PCDHGA3: variants seen among roughly 807,000 people sequenced by gnomAD.
The protein encoded by PCDHGA3 is protocadherin gamma-A3.
Under a neutral mutation model 58.5 loss-of-function variants are expected in PCDHGA3, and 40 were observed. That is an observed-to-expected ratio of 0.68 (90% CI 0.53 to 0.89). PCDHGA3 has a LOEUF of 0.89. PCDHGA3 is among the 40% of genes least tolerant of loss of function. The pLI, the probability that PCDHGA3 is intolerant of heterozygous loss-of-function variation, is 0.00. For missense variants in PCDHGA3, 1,223 were observed against 1,195.9 expected, an observed-to-expected ratio of 1.02 and a Z score of -0.33; for synonymous variants, 530 against 525.7, an observed-to-expected ratio of 1.01 and a Z score of -0.11.
chr5:141,370,188 T>C, intron 1 of PCDHGA3: 1 of 511,926 alleles, frequency 2.0e-6, no homozygotes, highest in South Asian at 4.0e-5. Context: ...CGCTCTTGGC[T>C]AGTGCTGTGC....
In PCDHGA3 at chr5:141,343,968, A is replaced by G. The variant is rs1425572698; in HGVS notation, c.-66A>G. The G allele has an allele frequency of 1.5e-6, 2 of 1,375,848 alleles. No individual in the cohort carries two copies. Among genetic ancestry groups the G allele is most frequent in the Middle Eastern group, 4.2e-4 (2 of 4,792 alleles). The allele number at this position is 1,375,848 out of a possible 1,614,324, so 85.2% of individuals were successfully genotyped here. ...GTAAAAGACTTCGTTTCTTGAGAAA[A>G]TAAGATTGGAGTCCGTCGTAGGAAA... On this transcript the variant is annotated 5_prime_UTR_variant, in exon 1 of 4. Transcript: ENST00000253812.
rs754711722 is a variant in PCDHGA3, at chr5:141,371,108, C to A, written c.2424+24651C>A. Reference sequence around the variant, plus strand: ...TAATTGTCGCAGATGCAAATGATAACCCCCCAGTATTTACTCAGGACATGT... The same window carrying A: ...TAATTGTCGCAGATGCAAATGATAAACCCCCAGTATTTACTCAGGACATGT... On this transcript the variant is annotated intron_variant, in intron 1 of 3. Coordinates refer to ENST00000253812, the MANE Select transcript of PCDHGA3 (RefSeq NM_018916.4). 12 of 1,613,642 alleles carry A rather than the reference C, an allele frequency of 7.4e-6. No individual in the cohort carries two copies. In the African/African-American group the frequency reaches 1.5e-4, roughly 20 times the overall value.
chr5:141,422,633 G>T lies in PCDHGA3; in HGVS notation c.2425-72174G>T, dbSNP rs769515606. 10 of 1,613,120 alleles carry T rather than the reference G, an allele frequency of 6.2e-6. No individual in the cohort carries two copies. In the East Asian group the frequency reaches 2.0e-4, roughly 32 times the overall value. ...TACATTCCCGAAAACAACCCCAGGG[G>T]TGCCTCCATCTTCTCAGTGACCGCC... On this transcript the variant is annotated intron_variant, in intron 1 of 3. Coordinates refer to ENST00000253812, the MANE Select transcript of PCDHGA3 (RefSeq NM_018916.4).
Position 141,366,924 on chromosome 5 carries a change from G to C in PCDHGA3, c.2424+20467G>C, listed in dbSNP as rs1764867617. On this transcript the variant is annotated intron_variant, in intron 1 of 3. Coordinates refer to ENST00000253812, the MANE Select transcript of PCDHGA3 (RefSeq NM_018916.4). ...CTTTCTCCATTTGTTTTCAAATTCT[G>C]TTTTGGGAAGTCTAGCTGATATCTG... is the stretch of plus-strand genomic sequence containing the variant. 5 of 997,638 alleles carry C rather than the reference G, an allele frequency of 5.0e-6. No homozygotes were observed. In the East Asian group the frequency reaches 1.3e-4, roughly 27 times the overall value. 61.8% of individuals were successfully genotyped at this position (997,638 alleles called of 1,614,324 possible).
intron 1 of PCDHGA3, among the ~76,000 whole-genome samples, chr5:141,434,490 G>A (rs566645029): frequency 2.5e-4 from 38 of 152,274 alleles, no homozygotes; most frequent in Non-Finnish European, 4.9e-4. Flanking sequence ...CACCTGGCCC[G>A]CCCAGGGCAG....
chr5:141,410,847 G>GTAT, intron 1 of PCDHGA3: 2 of 158,246 alleles, frequency 1.3e-5, no homozygotes, highest in Non-Finnish European at 1.0e-5. Context: ...TTTTGTCTTT[G>GTAT]TCTTTTTTTT....
intron 1 of PCDHGA3, among the ~76,000 whole-genome samples, chr5:141,492,762 T>C (rs917580804): frequency 2.6e-5 from 4 of 152,206 alleles, no homozygotes; most frequent in African/African-American, 9.6e-5. Flanking sequence ...GGGCTCCGCG[T>C]TGGGCGAGTG....
intron 1 of PCDHGA3, chr5:141,414,158 G>A (rs1167529832): frequency 6.2e-7 from 1 of 1,602,572 alleles, no homozygotes; most frequent in Non-Finnish European, 8.5e-7. Flanking sequence ...GCAGAAGATG[G>A]AGGAGCATAT....
chr5:141,376,416 C>T (rs1450125576), intron 1 of PCDHGA3: 1 of 1,614,216 alleles, frequency 6.2e-7, no homozygotes, highest in Non-Finnish European at 8.5e-7. Context: ...TATGCCGACA[C>T]GCTTATCAAC....
In PCDHGA3 at chr5:141,486,047, C is replaced by T. The variant is rs763394605; in HGVS notation, c.2425-8760C>T. Reference sequence around the variant, plus strand: ...TCATACCCCTGATCGTGTAAGAAACCTCTTTAGCCTGCACCCCACTACTGG... The same window carrying T: ...TCATACCCCTGATCGTGTAAGAAACTTCTTTAGCCTGCACCCCACTACTGG... On this transcript the variant is annotated intron_variant, in intron 1 of 3. Transcript: ENST00000253812. The surrounding 1 kb of genome is among the most constrained non-coding windows in gnomAD (Gnocchi z 5.0). 2.5e-6 allele frequency: 4 copies of T among 1,614,054 alleles called. No individual in the cohort carries two copies. The African/African-American group carries it at 5.3e-5, about 22-fold the overall frequency.
chr5:141,417,842 C>G (rs1247720013), intron 1 of PCDHGA3: 2 of 1,537,166 alleles, frequency 1.3e-6, no homozygotes, highest in Admixed American at 2.0e-5. Flanking sequence ...GGGGACCCAG[C>G]GAGAACCCGA....
intron 1 of PCDHGA3, chr5:141,374,487 A>G: frequency 6.2e-7 from 1 of 1,611,648 alleles, no homozygotes; most frequent in Non-Finnish European, 8.5e-7. Context: ...CGATTCTTAA[A>G]GGAAGAATTG....
chr5:141,354,286 T>C (rs575279335), intron 1 of PCDHGA3, among the ~76,000 whole-genome samples: 1 of 152,360 alleles, frequency 6.6e-6, no homozygotes, highest in East Asian at 1.9e-4. Context: ...TGGTCATTCA[T>C]GAAACATTGA....
rs759809060 is a variant in PCDHGA3, at chr5:141,476,317, G to A, written c.2425-18490G>A. 1.2e-6 allele frequency: 2 copies of A among 1,614,170 alleles called. No individual in the cohort carries two copies. Among genetic ancestry groups the A allele is most frequent in the South Asian group, 2.2e-5 (2 of 91,078 alleles). On this transcript the variant is annotated intron_variant, in intron 1 of 3. Coordinates refer to ENST00000253812, the MANE Select transcript of PCDHGA3 (RefSeq NM_018916.4). This position sits in a 1 kb window ranked among gnomAD's most constrained non-coding sequence, Gnocchi z 7.6. Reference sequence around the variant, plus strand: ...GTAGCCTCTCAGCCCGCAGGTTCCGGGTGGTGTCTGGAGCTAGCCGAAGAT... The same window carrying A: ...GTAGCCTCTCAGCCCGCAGGTTCCGAGTGGTGTCTGGAGCTAGCCGAAGAT...
At chr5:141,494,363 T>C (rs1264801258) in intron 1 of PCDHGA3, among the ~76,000 whole-genome samples, 1 of 152,206 alleles carries the variant, frequency 6.6e-6, no homozygotes, top group Non-Finnish European at 1.5e-5. Context: ...CTGCAGAGGA[T>C]GCTTTGTTCC....
intron 2 of PCDHGA3, among the ~76,000 whole-genome samples, chr5:141,497,543 T>C (rs896069181): frequency 4.7e-5 from 7 of 149,068 alleles, no homozygotes; most frequent in Non-Finnish European, 9.0e-5. Context: ...AACAAACCTT[T>C]TTTTTTTTTT....
intron 1 of PCDHGA3, chr5:141,366,740 C>T (rs541987209): frequency 1.9e-5 from 30 of 1,611,948 alleles, no homozygotes; most frequent in Non-Finnish European, 2.3e-5. Context: ...CAAAGAAGAA[C>T]GGCGAGTTCA....
chr5:141,417,760 C>A, intron 1 of PCDHGA3: 1 of 1,438,808 alleles, frequency 7.0e-7, no homozygotes, highest in South Asian at 1.5e-5. Context: ...GCTCCGAGAC[C>A]CGGGACTCCT....
chr5:141,371,814 G>C (rs1020682392), intron 1 of PCDHGA3: 4 of 1,613,892 alleles, frequency 2.5e-6, no homozygotes, highest in Middle Eastern at 1.6e-4. Context: ...CATTGCGCAT[G>C]TCAGAGCCTC....
Sources: allele counts gnomAD v4.1 joint callset (sites outside exome capture counted in the v4.1 genomes callset), GRCh38; gene constraint gnomAD v4.1.1; non-coding constraint Gnocchi (gnomAD v3.1); transcripts MANE v1.5; gene names NCBI Gene and HGNC (gene_info 2026-07-23, HGNC 2026-07-21).